The following AUTS2 variants were observed in gnomAD, a reference collection of about 807,000 sequenced individuals.
AUTS2 encodes autism susceptibility gene 2 protein.
Under a neutral mutation model 112.4 loss-of-function variants are expected in AUTS2, and 17 were observed. That is an observed-to-expected ratio of 0.15 (90% CI 0.10 to 0.23). The LOEUF is 0.23. AUTS2 is among the 10% of genes least tolerant of loss of function. The pLI is 1.00. For missense variants in AUTS2, 1,510 were observed against 1,701.6 expected (o/e 0.89, Z 1.98); for synonymous variants, 751 against 702.7 (o/e 1.07, Z -1.09).
chr7:69,950,508 C>A (rs916270577), intron 2 of AUTS2, among the ~76,000 whole-genome samples: 1 of 152,072 alleles, frequency 6.6e-6, no homozygotes, highest in Non-Finnish European at 1.5e-5. Context: ...TGTTGGGAGA[C>A]AGTGTGTTAA....
intron 4 of AUTS2, among the ~76,000 whole-genome samples, chr7:70,168,709 A>G (rs1808514336): frequency 6.6e-6 from 1 of 152,232 alleles, no homozygotes; most frequent in African/African-American, 2.4e-5. Flanking sequence ...CTCGATATGT[A>G]TTGAAAATTA....
chr7:70,127,827 C>G (rs938266878), intron 3 of AUTS2, among the ~76,000 whole-genome samples: 2 of 152,158 alleles, frequency 1.3e-5, no homozygotes, highest in East Asian at 1.9e-4. Context: ...TACTTCAAAT[C>G]TTCCCTGGTC....
At chr7:69,741,157 G>A (rs1323929946) in intron 1 of AUTS2, among the ~76,000 whole-genome samples, 1 of 152,064 alleles carries the variant, frequency 6.6e-6, no homozygotes, top group East Asian at 1.9e-4. Context: ...GATGACAAGC[G>A]GAAATAGTAT....
chr7:70,752,972 C>T (rs1330714743), intron 6 of AUTS2, among the ~76,000 whole-genome samples: 1 of 152,122 alleles, frequency 6.6e-6, no homozygotes, highest in African/African-American at 2.4e-5. Context: ...ATACACCCCC[C>T]TTGAAGGCAG....
At chr7:70,649,406 A>T (rs1806360954) in intron 5 of AUTS2, among the ~76,000 whole-genome samples, 1 of 152,220 alleles carries the variant, frequency 6.6e-6, no homozygotes, top group Non-Finnish European at 1.5e-5. Context: ...AAAAAAAATA[A>T]AAAAGTAAGA....
intron 1 of AUTS2, among the ~76,000 whole-genome samples, chr7:69,821,329 A>C (rs1351493823): frequency 6.6e-6 from 1 of 152,136 alleles, no homozygotes; most frequent in Non-Finnish European, 1.5e-5. Flanking sequence ...TCTGTCAAGC[A>C]AGAGGATTGT....
intron 4 of AUTS2, among the ~76,000 whole-genome samples, chr7:70,435,334 G>A (rs988747204): frequency 7.2e-5 from 11 of 152,200 alleles, no homozygotes; most frequent in African/African-American, 2.7e-4. Flanking sequence ...ATTAGCTGAA[G>A]ATAGAATGTC....
chr7:69,947,590 G>A (rs1796865629), intron 2 of AUTS2, among the ~76,000 whole-genome samples: 1 of 152,046 alleles, frequency 6.6e-6, no homozygotes, highest in Admixed American at 6.6e-5. Context: ...TATAAACAAG[G>A]CCCAATTGTT....
intron 4 of AUTS2, among the ~76,000 whole-genome samples, chr7:70,313,226 C>G (rs1418341867): frequency 6.6e-6 from 1 of 152,196 alleles, no homozygotes; most frequent in African/African-American, 2.4e-5. Context: ...TTGACGAGGA[C>G]CTGCAGTTCC....
intron 5 of AUTS2, among the ~76,000 whole-genome samples, chr7:70,551,365 C>G (rs1189893019): frequency 6.6e-6 from 1 of 151,990 alleles, no homozygotes; most frequent in Admixed American, 6.6e-5. Flanking sequence ...ACCTGGTGAC[C>G]AAGGACAATA....
At chr7:69,636,219 A>G (rs1336087339) in intron 1 of AUTS2, among the ~76,000 whole-genome samples, 2 of 152,240 alleles carry the variant, frequency 1.3e-5, no homozygotes, top group Non-Finnish European at 2.9e-5. Flanking sequence ...CAAGGAAGAA[A>G]ATAAAGATCA....
At chr7:69,873,535 C>CATACAGT (rs1334760190) in intron 1 of AUTS2, among the ~76,000 whole-genome samples, 1 of 151,358 alleles carries the variant, frequency 6.6e-6, no homozygotes, top group African/African-American at 2.4e-5. Flanking sequence ...ATGAGATCGT[C>CATACAGT]GTGAGATCTA....
intron 4 of AUTS2, among the ~76,000 whole-genome samples, chr7:70,265,857 A>G (rs1361129765): frequency 1.3e-5 from 2 of 152,218 alleles, no homozygotes; most frequent in African/African-American, 4.8e-5. Context: ...ATTCAATTCT[A>G]TTATGACAAT....
chr7:70,006,319 C>T (rs898623606), intron 2 of AUTS2, among the ~76,000 whole-genome samples: 4 of 151,884 alleles, frequency 2.6e-5, no homozygotes, highest in African/African-American at 7.3e-5. Context: ...TTGAGAGAAA[C>T]GAGGAGGGGG....
intron 6 of AUTS2, among the ~76,000 whole-genome samples, chr7:70,707,758 C>G (rs544124423): frequency 6.6e-6 from 1 of 152,314 alleles, no homozygotes; most frequent in South Asian, 2.1e-4. Context: ...CTTAAGGCAC[C>G]TCCAGTTTCC....
intron 6 of AUTS2, among the ~76,000 whole-genome samples, chr7:70,724,846 A>G (rs949119078): frequency 1.3e-5 from 2 of 152,240 alleles, no homozygotes; most frequent in Non-Finnish European, 2.9e-5. Flanking sequence ...ATAATTCCAT[A>G]CATTAAACAA....
intron 2 of AUTS2, among the ~76,000 whole-genome samples, chr7:69,965,851 A>G (rs2129547425): frequency 6.6e-6 from 1 of 152,194 alleles, no homozygotes; most frequent in East Asian, 1.9e-4. Context: ...CGTAAGACAC[A>G]CTTTCTGTCA....
rs139708359 is a variant in AUTS2 at position 69,629,459 on chromosome 7, G to C, written c.309+29497G>C. On this transcript the variant is annotated intron_variant, in intron 1 of 18. Transcript: ENST00000342771. Reference sequence around the variant, plus strand: ...GGGTCATACAGGTAGCTGAGCCTGGGTGAGAAGTCCAGCTTCTTAACTCCT... The same window carrying C: ...GGGTCATACAGGTAGCTGAGCCTGGCTGAGAAGTCCAGCTTCTTAACTCCT... Among the ~76,000 whole-genome samples, 4 of 152,232 alleles carry C rather than the reference G, an allele frequency of 2.6e-5. No homozygotes were observed. In the East Asian group the frequency reaches 7.7e-4, roughly 29 times the overall value.
chr7:70,652,913 A>G (rs978974059), intron 5 of AUTS2, among the ~76,000 whole-genome samples: 4 of 151,990 alleles, frequency 2.6e-5, no homozygotes, highest in African/African-American at 9.7e-5. Flanking sequence ...CTTTCCTGAT[A>G]TCGTTTATAT....
Sources: allele counts gnomAD v4.1 joint callset (sites outside exome capture counted in the v4.1 genomes callset), GRCh38; gene constraint gnomAD v4.1.1; transcripts MANE v1.5; gene names NCBI Gene and HGNC (gene_info 2026-07-23, HGNC 2026-07-21).